The following TACC2 variants were observed in gnomAD, a reference collection of about 807,000 sequenced individuals.
The protein encoded by TACC2 is transforming acidic coiled-coil-containing protein 2.
TACC2 carries 137 observed loss-of-function variants against 227.3 expected under a neutral mutation model. That is an observed-to-expected ratio of 0.60 (90% CI 0.52 to 0.69). The LOEUF (loss-of-function observed/expected upper bound fraction) is 0.69. Among genes scored for constraint, TACC2 ranks in the 30% least tolerant of loss-of-function variants. The probability of loss-of-function intolerance (pLI) is 0.00; values close to 1 mark genes in which losing one functional copy is unlikely to be tolerated. For synonymous variants in TACC2, 1,523 were observed against 1,487.5 expected, an observed-to-expected ratio of 1.02 and a Z score of -0.55; for missense variants, 3,470 against 3,694.4, an observed-to-expected ratio of 0.94 and a Z score of 1.57.
chr10:122,011,727 G>A (rs572917923), intron 1 of TACC2, among the ~76,000 whole-genome samples: 1 of 152,238 alleles, frequency 6.6e-6, no homozygotes, highest in East Asian at 1.9e-4. Context: ...TGGTGGTGGT[G>A]GTGATGGGAA....
At position 122,211,356 on chromosome 10, in the gene TACC2, C is replaced by T; in HGVS notation, c.6931C>T (p.Leu2311Phe). Residue 2311 changes from leucine (L) to phenylalanine (F), a missense_variant, in exon 9 of 23, where the codon CTT becomes TTT. Transcript: ENST00000369005. ...AAAGATGAAAAAGACACCCGAGAAA[C>T]TTGACAACACTCCTGCCTCACCTCC... ...RPKMKKTPEK[L>F]DNTPASPPRS... 2.5e-6 allele frequency: 4 copies of T among 1,613,934 alleles called. No homozygotes were observed. Among genetic ancestry groups the T allele is most frequent in the Non-Finnish European group, 3.4e-6 (4 of 1,179,970 alleles).
In TACC2 at chr10:122,085,013, A is replaced by C. The variant is rs770835948; in HGVS notation, c.2513A>C (p.Glu838Ala). 24 of 1,614,060 alleles carry C rather than the reference A, an allele frequency of 1.5e-5. No homozygotes were observed. The Admixed American group carries it at 2.8e-4, about 19-fold the overall frequency. ...CTCCAGCCATCCCAGGCACAACCAG[A>C]GACATCCATCTTTGACGTGCTCAAG... ...KHLQPSQAQP[E>A]TSIFDVLKEQ... Residue 838 changes from glutamate to alanine, a missense_variant, in exon 4 of 23, where the codon GAG becomes GCG. Around this residue, in one of 10 missense-constraint regions of TACC2, gnomAD observed 1,924 missense variants for 1,978.3 expected, o/e 0.97. Coordinates refer to ENST00000369005, the MANE Select transcript of TACC2 (RefSeq NM_206862.4).
intron 3 of TACC2, among the ~76,000 whole-genome samples, chr10:122,067,799 C>G (rs2077552895): frequency 6.6e-6 from 1 of 152,188 alleles, no homozygotes; most frequent in African/African-American, 2.4e-5. Flanking sequence ...AGCCACTGCC[C>G]TGAACACCGG....
intron 18 of TACC2, among the ~76,000 whole-genome samples, chr10:122,239,125 T>G (rs1420494372): frequency 6.6e-6 from 1 of 152,070 alleles, no homozygotes; most frequent in Non-Finnish European, 1.5e-5. Context: ...TGCCTCGGCC[T>G]CCCAAGTAGC....
intron 3 of TACC2, among the ~76,000 whole-genome samples, chr10:122,066,715 G>A (rs115092265): frequency 1.2e-3 from 179 of 152,250 alleles, no homozygotes; most frequent in African/African-American, 4.0e-3. Flanking sequence ...AAAATCTGTA[G>A]CTTTTAACTG....
intron 3 of TACC2, among the ~76,000 whole-genome samples, chr10:122,055,545 C>T (rs533873338): frequency 2.6e-5 from 4 of 152,160 alleles, no homozygotes; most frequent in Admixed American, 6.5e-5. Flanking sequence ...ACAACACATA[C>T]TGGGGCCTAT....
chr10:121,989,252 G>A lies in TACC2; in HGVS notation c.-282G>A, dbSNP rs771241346. On this transcript the variant is annotated 5_prime_UTR_variant, in exon 1 of 23. Coordinates refer to ENST00000369005, the MANE Select transcript of TACC2 (RefSeq NM_206862.4). The stretch of plus-strand genomic sequence containing the variant: ...CCAACATATAAAACCCCACATTAAG[G>A]GTTGTACAGTGCACTGGGATTTCTC... The A allele has an allele frequency of 2.6e-5, 4 of 152,210 alleles. No individual in the cohort carries two copies. The highest frequency in any genetic ancestry group is 4.4e-5 in the Non-Finnish European group (3 of 68,068). 9.4% of individuals were successfully genotyped at this position (152,210 alleles called of 1,614,324 possible).
chr10:122,139,699 G>A (rs1280208471), intron 6 of TACC2, among the ~76,000 whole-genome samples: 3 of 152,146 alleles, frequency 2.0e-5, no homozygotes, highest in African/African-American at 7.2e-5. Flanking sequence ...ATGTGCACTT[G>A]GGAATTTCGG....
intron 11 of TACC2, among the ~76,000 whole-genome samples, 159 bp from the exon 12 acceptor site, chr10:122,224,567 C>T (rs1042676431): frequency 6.6e-6 from 1 of 152,188 alleles, no homozygotes; most frequent in Non-Finnish European, 1.5e-5. Context: ...GCCTTTTCTT[C>T]AGGCTATATG....
intron 11 of TACC2, 29 bp from the exon 12 acceptor site, chr10:122,224,697 T>C: frequency 6.2e-7 from 1 of 1,609,668 alleles, no homozygotes; most frequent in Non-Finnish European, 8.5e-7. Context: ...TTTGTTTTTT[T>C]GTGTTTGTGT....
intron 8 of TACC2, among the ~76,000 whole-genome samples, chr10:122,208,637 A>T (rs1269959379): frequency 6.6e-6 from 1 of 152,230 alleles, no homozygotes; most frequent in Non-Finnish European, 1.5e-5. Flanking sequence ...TCATCGAGAC[A>T]TGGGACATAC....
chr10:122,248,786 C>T lies in TACC2; in HGVS notation c.8536C>T (p.Leu2846=). 1.2e-6 allele frequency: 2 copies of T among 1,613,998 alleles called. No individual in the cohort carries two copies. Among genetic ancestry groups the T allele is most frequent in the South Asian group, 2.2e-5 (2 of 91,064 alleles). ...FRRYEKMKEV[L]EGFRKNEEVL... is the part of the protein sequence containing the mutation. ...AAGATATGAGAAGATGAAGGAGGTCCTAGAAGGCTTCCGCAAGGTAGGGCT... is the reference window on the plus strand; with the variant it reads ...AAGATATGAGAAGATGAAGGAGGTCTTAGAAGGCTTCCGCAAGGTAGGGCT... Residue 2846 remains leucine, a synonymous_variant, in exon 20 of 23, where the codon CTA becomes TTA. Transcript: ENST00000369005.
intron 5 of TACC2, among the ~76,000 whole-genome samples, 196 bp from the exon 6 acceptor site, chr10:122,132,413 T>G (rs2420997): frequency 0.34 from 51,312 of 152,186 alleles, 10,191 homozygotes; most frequent in South Asian, 0.45. Flanking sequence ...CTGGCTGTGG[T>G]GGCGGGGCGC....
At chr10:122,234,694 T>C (rs1465571770) in intron 16 of TACC2, among the ~76,000 whole-genome samples, 1 of 152,244 alleles carries the variant, frequency 6.6e-6, no homozygotes, top group African/African-American at 2.4e-5. Context: ...TAGTGTCCAT[T>C]TGAATTTTCT....
chr10:121,996,484 C>T (rs1353259047), intron 1 of TACC2, among the ~76,000 whole-genome samples: 2 of 152,144 alleles, frequency 1.3e-5, no homozygotes, highest in African/African-American at 4.8e-5. Flanking sequence ...GCCCCACTTC[C>T]AATGCTGGGG....
chr10:122,148,646 A>T (rs2091691091), intron 7 of TACC2, among the ~76,000 whole-genome samples: 1 of 152,198 alleles, frequency 6.6e-6, no homozygotes. Flanking sequence ...CTTATTACAG[A>T]ATTGACAGAT....
chr10:122,206,475 C>T (rs560785080), intron 8 of TACC2, among the ~76,000 whole-genome samples: 2 of 152,278 alleles, frequency 1.3e-5, no homozygotes, highest in South Asian at 2.1e-4. Context: ...TGTTCCTATA[C>T]GAAGAGGAAG....
intron 5 of TACC2, among the ~76,000 whole-genome samples, chr10:122,118,069 A>C (rs186006209): frequency 6.9e-6 from 1 of 144,166 alleles, no homozygotes; most frequent in Non-Finnish European, 1.5e-5. Flanking sequence ...GCTGGAGTGC[A>C]GTGGTGCCAT....
At chr10:122,096,204 C>T (rs1041867204) in intron 5 of TACC2, among the ~76,000 whole-genome samples, 1 of 152,132 alleles carries the variant, frequency 6.6e-6, no homozygotes, top group African/African-American at 2.4e-5. Flanking sequence ...CAGGAGGTGT[C>T]TTTCCTGCAC....
Sources: gnomAD v4.1 joint callset for allele counts (sites outside exome capture counted in the v4.1 genomes callset) on GRCh38, gnomAD v4.1.1 for gene constraint, gnomAD v4.1.1 regional missense constraint, MANE v1.5 for transcripts, NCBI Gene and HGNC (gene_info 2026-07-23, HGNC 2026-07-21) for gene names.